The following CALN1 variants were observed in gnomAD, a reference collection of about 807,000 sequenced individuals.
CALN1 encodes the protein calneuron 1, also known as calcium-binding protein 8.
CALN1 carries 17 observed loss-of-function variants against 30.6 expected under a neutral mutation model. The ratio of observed to expected loss-of-function variants is 0.56; its 90% CI spans 0.38 to 0.83. CALN1 has a LOEUF of 0.83. Among genes scored for constraint, CALN1 ranks in the 40% least tolerant of loss-of-function variants. The pLI, the probability that CALN1 is intolerant of heterozygous loss-of-function variation, is 0.00. For missense variants in CALN1, 291 were observed against 354.9 expected (o/e 0.82, Z 1.45); for synonymous variants, 156 against 131.4 (o/e 1.19, Z -1.28).
chr7:71,990,187 G>A (rs1224976180), intron 5 of CALN1, among the ~76,000 whole-genome samples: 1 of 152,068 alleles, frequency 6.6e-6, no homozygotes, highest in Non-Finnish European at 1.5e-5. Context: ...AGTGACCCCT[G>A]GTCGTCCTCA....
chr7:72,144,284 T>A (rs904785548), intron 3 of CALN1, among the ~76,000 whole-genome samples: 1 of 152,186 alleles, frequency 6.6e-6, no homozygotes, highest in East Asian at 1.9e-4. Flanking sequence ...GAGGAAGATC[T>A]ACCAAGCAAA....
At chr7:72,338,533 C>CGT (rs1802229557) in intron 2 of CALN1, among the ~76,000 whole-genome samples, 1 of 48,986 alleles carries the variant, frequency 2.0e-5, no homozygotes, top group Non-Finnish European at 5.3e-5. Flanking sequence ...GTGTGTCTCA[C>CGT]CTGGGTGTGG....
chr7:71,983,964 AGAG>A (rs1275386482), intron 5 of CALN1, among the ~76,000 whole-genome samples: 2 of 152,240 alleles, frequency 1.3e-5, no homozygotes, highest in East Asian at 1.9e-4. Context: ...CGAAAAAAAC[AGAG>A]GAGATGATAA....
At chr7:72,476,035 G>A in the CALN1 span, among the ~76,000 whole-genome samples, 1 of 138,826 alleles carries the variant, frequency 7.2e-6, no homozygotes, top group South Asian at 2.3e-4. Context: ...TGCAACCTCT[G>A]CCTCCCGGGT....
At chr7:72,268,565 G>A (rs1260266095) in intron 3 of CALN1, among the ~76,000 whole-genome samples, 1 of 152,098 alleles carries the variant, frequency 6.6e-6, no homozygotes, top group Non-Finnish European at 1.5e-5. Context: ...CAACACTTTG[G>A]GAGGATGAGG....
chr7:72,346,706 G>A (rs1026956807), intron 2 of CALN1, among the ~76,000 whole-genome samples: 12 of 151,986 alleles, frequency 7.9e-5, no homozygotes, highest in Admixed American at 5.2e-4. Context: ...TAGTAGAGAC[G>A]GGGCTTCACA....
intron 5 of CALN1, among the ~76,000 whole-genome samples, chr7:71,831,816 C>T (rs375499212): frequency 6.3e-5 from 8 of 126,840 alleles, no homozygotes; most frequent in Admixed American, 4.0e-4. Context: ...CGCATGAGCC[C>T]GGAAGGTGGA....
At chr7:71,962,437 C>A (rs764442243) in intron 5 of CALN1, among the ~76,000 whole-genome samples, 2 of 152,114 alleles carry the variant, frequency 1.3e-5, no homozygotes, top group Admixed American at 6.6e-5. Context: ...AAGCCAATTA[C>A]CTGTAACAAA....
chr7:72,351,731 A>C (rs1162273593), intron 2 of CALN1, among the ~76,000 whole-genome samples: 1 of 152,266 alleles, frequency 6.6e-6, no homozygotes, highest in Non-Finnish European at 1.5e-5. Context: ...TATTTGAAAA[A>C]TAATCAATAC....
intron 5 of CALN1, among the ~76,000 whole-genome samples, chr7:71,860,227 C>T (rs1791194206): frequency 6.7e-6 from 1 of 148,622 alleles, no homozygotes; most frequent in South Asian, 2.1e-4. Context: ...CAGTCTCGCT[C>T]TGTCACCCAG....
At chr7:72,289,932 G>A (rs949559233) in intron 2 of CALN1, among the ~76,000 whole-genome samples, 4 of 151,574 alleles carry the variant, frequency 2.6e-5, no homozygotes, top group African/African-American at 7.3e-5. Context: ...AAAACAATTA[G>A]CCGGGCATAG....
At chr7:72,138,279 T>A (rs573630469) in intron 3 of CALN1, among the ~76,000 whole-genome samples, 57 of 152,106 alleles carry the variant, frequency 3.7e-4, no homozygotes, top group African/African-American at 1.3e-3. Flanking sequence ...CATGTATTTT[T>A]ATTTTGGATT....
chr7:72,335,684 C>T (rs200844204), intron 2 of CALN1, among the ~76,000 whole-genome samples: 2 of 152,344 alleles, frequency 1.3e-5, no homozygotes, highest in African/African-American at 4.8e-5. Flanking sequence ...GAGCTACGGG[C>T]TTCGACCCAA....
chr7:72,283,624 G>A (rs1425236858), intron 2 of CALN1, among the ~76,000 whole-genome samples: 1 of 152,216 alleles, frequency 6.6e-6, no homozygotes, highest in Non-Finnish European at 1.5e-5. Flanking sequence ...AGGATCATAT[G>A]AAGCAGGATG....
intron 2 of CALN1, among the ~76,000 whole-genome samples, chr7:72,294,926 T>C (rs1160407642): frequency 6.6e-6 from 1 of 152,016 alleles, no homozygotes; most frequent in Non-Finnish European, 1.5e-5. Flanking sequence ...CATTTCTGAG[T>C]GTGTGTGTCC....
At chr7:72,383,627 C>G (rs977468525) in intron 2 of CALN1, among the ~76,000 whole-genome samples, 1 of 152,190 alleles carries the variant, frequency 6.6e-6, no homozygotes, top group Non-Finnish European at 1.5e-5. Context: ...CCTTGTATAA[C>G]TACAAGTATA....
At chr7:71,798,123 C>CAGAGACAGAGAG (rs1787061132) in intron 6 of CALN1, among the ~76,000 whole-genome samples, 1 of 71,014 alleles carries the variant, frequency 1.4e-5, no homozygotes, top group African/African-American at 6.5e-5. Context: ...GAGACAGAGA[C>CAGAGACAGAGAG]AGAGAGAGAG....
intron 5 of CALN1, among the ~76,000 whole-genome samples, chr7:71,942,093 G>A (rs1204539137): frequency 6.6e-6 from 1 of 152,096 alleles, no homozygotes; most frequent in Non-Finnish European, 1.5e-5. Context: ...CAGCTACTCG[G>A]AGGCTGAGGC....
At chr7:72,136,883 T>C (rs1315532268) in intron 3 of CALN1, among the ~76,000 whole-genome samples, 1 of 152,160 alleles carries the variant, frequency 6.6e-6, no homozygotes, top group Non-Finnish European at 1.5e-5. Context: ...AGTTCACCAT[T>C]TTATATAGAT....
Sources: allele counts gnomAD v4.1 joint callset (sites outside exome capture counted in the v4.1 genomes callset), GRCh38; gene constraint gnomAD v4.1.1; transcripts MANE v1.5; gene names NCBI Gene and HGNC (gene_info 2026-07-23, HGNC 2026-07-21).